Variants in ATP13A3 observed in about 807,000 individuals in gnomAD.
The protein encoded by ATP13A3 is polyamine-transporting ATPase 13A3.
ATP13A3 carries 59 observed loss-of-function variants against 158.1 expected under a neutral mutation model. That is an observed-to-expected ratio of 0.37 (90% CI 0.30 to 0.46). ATP13A3 has a LOEUF of 0.46. Ranked by LOEUF, ATP13A3 falls within the 20% of genes least tolerant of loss-of-function variation. ATP13A3 has a pLI of 1.00. For missense variants in ATP13A3, 1,166 were observed against 1,525.2 expected (o/e 0.76, Z 3.92); for synonymous variants, 491 against 504.3 (o/e 0.97, Z 0.35).
rs925528774 is a variant in ATP13A3 at position 194,404,439 on chromosome 3, T to C, written c.*1480A>G. ...AATTTGGTAAATTTGTAAATATATG[T>C]TGGGAAAAGAATGATCAGCTAGAAG... On this transcript the variant is annotated 3_prime_UTR_variant, in exon 34 of 34. Coordinates refer to ENST00000645319, the MANE Select transcript of ATP13A3 (RefSeq NM_001367549.1). 2.0e-5 allele frequency: 4 copies of C among 197,522 alleles called. No homozygotes were observed. The highest frequency in any genetic ancestry group is 9.6e-5 in the African/African-American group (4 of 41,750). 12.2% of individuals were successfully genotyped at this position (197,522 alleles called of 1,614,324 possible). A position where few individuals can be genotyped will look rare whatever the true frequency, so the allele number is the denominator to read the frequency against.
At chr3:194,411,989 T>G (rs1025876497) in intron 33 of ATP13A3, among the ~76,000 whole-genome samples, 2 of 152,190 alleles carry the variant, frequency 1.3e-5, no homozygotes, top group African/African-American at 4.8e-5. Context: ...TTGAAAAGCC[T>G]CTAACAAATG....
At chr3:194,454,862 C>T (rs2108938643) in intron 8 of ATP13A3, among the ~76,000 whole-genome samples, 1 of 151,518 alleles carries the variant, frequency 6.6e-6, no homozygotes, top group African/African-American at 2.4e-5. Flanking sequence ...TGCCATCATA[C>T]TCTTATTATC....
intron 30 of ATP13A3, among the ~76,000 whole-genome samples, chr3:194,420,698 C>A (rs902880516): frequency 1.3e-5 from 2 of 148,552 alleles, no homozygotes; most frequent in South Asian, 4.3e-4. Context: ...TTGCTCATGG[C>A]CATTTTCTTA....
At chr3:194,447,694 G>A (rs1233909717) in intron 13 of ATP13A3, among the ~76,000 whole-genome samples, 158 bp downstream of exon 13, 6 of 151,780 alleles carry the variant, frequency 4.0e-5, no homozygotes, top group Admixed American at 2.6e-4. Context: ...TAATATCATA[G>A]CTACTAGTCT....
chr3:194,444,814 A>C, intron 14 of ATP13A3, 28 bp from the exon 15 acceptor site: 2 of 1,566,044 alleles, frequency 1.3e-6, no homozygotes, highest in Admixed American at 2.1e-5. Context: ...ACACATGCAC[A>C]AAGTATGGAT....
At chr3:194,443,571 A>G (rs1718193489) in intron 15 of ATP13A3, among the ~76,000 whole-genome samples, 1 of 152,212 alleles carries the variant, frequency 6.6e-6, no homozygotes, top group Non-Finnish European at 1.5e-5. Context: ...GACAAAACAG[A>G]ATTTAAGGCA....
In ATP13A3 at chr3:194,455,957, A is replaced by T; in HGVS notation, c.566T>A (p.Leu189Gln). The T allele has an allele frequency of 9.1e-6, 14 of 1,530,840 alleles. No homozygotes were observed. The highest frequency in any genetic ancestry group is 1.2e-5 in the Non-Finnish European group (13 of 1,128,322). The allele number at this position is 1,530,840 out of a possible 1,614,324, so 94.8% of individuals were successfully genotyped here. ...AGCAATTTCATTTACTCCATAAAGC[A>T]GTTTTCTATAACAGGAAAATACATT... ...LTKGMHAYRK[L>Q]LYGVNEIAVK... is the part of the protein sequence containing the mutation. Residue 189 changes from leucine (L) to glutamine (Q), a missense_variant, in exon 8 of 34, where the codon CTG becomes CAG. Leu to Gln is a moderately radical substitution (Grantham distance 113). Around this residue, in one of 3 missense-constraint regions of ATP13A3, gnomAD observed 997 missense variants for 1,341.2 expected, o/e 0.74. Transcript: ENST00000645319.
intron 2 of ATP13A3, among the ~76,000 whole-genome samples, chr3:194,484,798 G>A (rs1720901318): frequency 6.6e-6 from 1 of 152,194 alleles, no homozygotes; most frequent in Non-Finnish European, 1.5e-5. Flanking sequence ...GCTAGCGCCT[G>A]TAATACCAGC....
At chr3:194,475,099 A>G (rs1413375969) in intron 2 of ATP13A3, among the ~76,000 whole-genome samples, 1 of 152,230 alleles carries the variant, frequency 6.6e-6, no homozygotes, top group Non-Finnish European at 1.5e-5. Flanking sequence ...GGAATAGGGA[A>G]GAGTAGAGAA....
rs755212961 is a variant in ATP13A3 at position 194,447,123 on chromosome 3, T to G, written c.1309-8A>C. The G allele has an allele frequency of 1.9e-6, 3 of 1,591,072 alleles. No individual in the cohort carries two copies. The highest frequency in any genetic ancestry group is 2.6e-6 in the Non-Finnish European group (3 of 1,170,576). On this transcript the variant is annotated splice_region_variant and splice_polypyrimidine_tract_variant and intron_variant, in intron 13 of 33. Transcript: ENST00000645319. ...TATGACCCCAACTTGTACCTACAAT[T>G]AACACAAAAATAAATGTCAAATCCC... is the stretch of plus-strand genomic sequence containing the variant.
chr3:194,448,367 A>G lies in ATP13A3; in HGVS notation c.1150+90T>C. 1 of 1,471,472 alleles carries G rather than the reference A, an allele frequency of 6.8e-7. No homozygotes were observed. The highest frequency in any genetic ancestry group is 9.4e-7 in the Non-Finnish European group (1 of 1,064,472). 91.2% of individuals were successfully genotyped at this position (1,471,472 alleles called of 1,614,324 possible). On this transcript the variant is annotated intron_variant, in intron 12 of 33. Coordinates refer to ENST00000645319, the MANE Select transcript of ATP13A3 (RefSeq NM_001367549.1). This position sits in a 1 kb window ranked among gnomAD's most constrained non-coding sequence, Gnocchi z 4.0. The stretch of plus-strand genomic sequence containing the variant: ...TGCTGGGATTACAGGCGTTAGCCAC[A>G]GCACCCAGCCCAGAATCTCTTTTTA...
chr3:194,429,667 T>G lies in ATP13A3; in HGVS notation c.2874+11A>C. 6.3e-7 allele frequency: 1 copy of G among 1,586,838 alleles called. No homozygotes were observed. The highest frequency in any genetic ancestry group is 1.1e-5 in the South Asian group (1 of 89,754). On this transcript the variant is annotated intron_variant, in intron 27 of 33. Coordinates refer to ENST00000645319, the MANE Select transcript of ATP13A3 (RefSeq NM_001367549.1). ...TTAAGTGTTATCTCTGCACACAATG[T>G]TAATACTCACAGAATACAGCAGAGT...
intron 31 of ATP13A3, among the ~76,000 whole-genome samples, chr3:194,416,255 C>T (rs1389125843): frequency 1.3e-5 from 2 of 152,042 alleles, no homozygotes; most frequent in African/African-American, 4.8e-5. Flanking sequence ...GTCAGGAGTT[C>T]GATACCAGTC....
chr3:194,435,634 T>C (rs1453566437), intron 20 of ATP13A3, among the ~76,000 whole-genome samples: 1 of 152,004 alleles, frequency 6.6e-6, no homozygotes, highest in South Asian at 2.1e-4. Flanking sequence ...GGCAGCCGGG[T>C]GCAGTGGCTC....
At chr3:194,421,114 G>GTGTATA (rs774431656) in intron 30 of ATP13A3, among the ~76,000 whole-genome samples, 2 of 8,124 alleles carry the variant, frequency 2.5e-4, no homozygotes, top group Non-Finnish European at 4.4e-4. Context: ...TGTGTAGGGT[G>GTGTATA]TATATATATA....
At chr3:194,479,449 A>C (rs1320575638) in intron 2 of ATP13A3, among the ~76,000 whole-genome samples, 1 of 152,126 alleles carries the variant, frequency 6.6e-6, no homozygotes, top group Non-Finnish European at 1.5e-5. Flanking sequence ...AGAAACATAA[A>C]CATTAAAAAA....
chr3:194,444,729 C>T lies in ATP13A3; in HGVS notation c.1555G>A (p.Ala519Thr), dbSNP rs865886278. ...DLWGIQRVENARFLSPEENVC... is the reference protein window; with the variant it reads ...DLWGIQRVENTRFLSPEENVC... The stretch of plus-strand genomic sequence containing the variant: ...TCAAGTCTAACTAATATTTACCGTG[C>T]ATTTTCCACTCGTTGAATCCCCCAA... Residue 519 changes from alanine to threonine, a missense_variant, in exon 15 of 34, where the codon GCA becomes ACA. Around this residue, in one of 3 missense-constraint regions of ATP13A3, gnomAD observed 997 missense variants for 1,341.2 expected, o/e 0.74. Transcript: ENST00000645319. The T allele has an allele frequency of 6.3e-7, 1 of 1,589,894 alleles. No homozygotes were observed. Among genetic ancestry groups the T allele is most frequent in the South Asian group, 1.2e-5 (1 of 85,714 alleles).
intron 21 of ATP13A3, among the ~76,000 whole-genome samples, chr3:194,432,792 G>A (rs1717323524): frequency 6.6e-6 from 1 of 151,824 alleles, no homozygotes; most frequent in African/African-American, 2.4e-5. Context: ...GTGCCATTAA[G>A]TATCTTAAAT....
chr3:194,474,912 C>T (rs571654107), intron 2 of ATP13A3, among the ~76,000 whole-genome samples: 1 of 152,322 alleles, frequency 6.6e-6, no homozygotes, highest in South Asian at 2.1e-4. Context: ...AAGTAACGTG[C>T]ACTGTTGCTA....
Sources: allele counts gnomAD v4.1 joint callset (sites outside exome capture counted in the v4.1 genomes callset), GRCh38; gene constraint gnomAD v4.1.1; regional missense constraint gnomAD v4.1.1; non-coding constraint Gnocchi (gnomAD v3.1); transcripts MANE v1.5; gene names NCBI Gene and HGNC (gene_info 2026-07-23, HGNC 2026-07-21).